Variants in ALX4 observed in about 807,000 individuals in gnomAD.
ALX4 encodes the protein homeobox protein aristaless-like 4.
In ALX4, 22 loss-of-function variants were observed where a neutral mutation model predicts 40.6. That is an observed-to-expected ratio of 0.54 (90% CI 0.39 to 0.77). The LOEUF (loss-of-function observed/expected upper bound fraction) is 0.77, where lower values mean the gene tolerates loss of function less well. Among genes scored for constraint, ALX4 ranks in the 30% least tolerant of loss-of-function variants. ALX4 has a pLI of 0.00. For missense variants in ALX4, 556 were observed against 564.8 expected (o/e 0.98, Z 0.16); for synonymous variants, 266 against 240.5 (o/e 1.11, Z -0.98).
chr11:44,276,224 A>T (rs566770521), intron 1 of ALX4, among the ~76,000 whole-genome samples: 50 of 152,308 alleles, frequency 3.3e-4, no homozygotes, highest in Admixed American at 5.9e-4. Context: ...AGTGCTGAGG[A>T]GTCAACACCT....
In ALX4 at chr11:44,263,246, A is replaced by C. The variant is rs1956192761; in HGVS notation, c.*1608T>G. 1 of 152,290 alleles carries C rather than the reference A, an allele frequency of 6.6e-6. No individual in the cohort carries two copies. 9.4% of individuals were successfully genotyped at this position (152,290 alleles called of 1,614,324 possible). ...ACAGGAATCAAGGGAGAAGGTAGAA[A>C]AGGCGAGCGCTTCAATGCGGGGCGC... On this transcript the variant is annotated 3_prime_UTR_variant, in exon 4 of 4. Transcript: ENST00000652299.
Position 44,295,928 on chromosome 11 carries a change from G to A in ALX4, c.466+13669C>T, listed in dbSNP as rs568031879. ...CCAAGACTGTGGCTCTAGAGTCCTC[G>A]CCTTTGGCTCTGCCCTCCACCCCTT... On this transcript the variant is annotated intron_variant, in intron 1 of 3. Coordinates refer to ENST00000652299, the MANE Select transcript of ALX4 (RefSeq NM_021926.4). 2.6e-5 allele frequency among the ~76,000 whole-genome samples: 4 copies of A among 152,326 alleles called. No individual in the cohort carries two copies. The South Asian group carries it at 6.2e-4, about 24-fold the overall frequency.
Position 44,309,837 on chromosome 11 carries a change from G to A in ALX4, c.226C>T (p.Pro76Ser). 6.4e-7 allele frequency: 1 copy of A among 1,555,638 alleles called. No individual in the cohort carries two copies. The highest frequency in any genetic ancestry group is 8.7e-7 in the Non-Finnish European group (1 of 1,149,266). Residue 76 changes from proline (P) to serine (S), a missense_variant, in exon 1 of 4, where the codon CCC becomes TCC. Coordinates refer to ENST00000652299, the MANE Select transcript of ALX4 (RefSeq NM_021926.4). The stretch of plus-strand genomic sequence containing the variant: ...CGCGCCCCAGCTCCACTCTCCAGGG[G>A]TGTCGCCAGGTCCTGCTGCCCAGCG... ...YGAGQQDLAT[P>S]LESGAGARGS...
intron 1 of ALX4, among the ~76,000 whole-genome samples, chr11:44,283,079 T>G (rs1216265672): frequency 1.3e-5 from 2 of 152,016 alleles, no homozygotes; most frequent in African/African-American, 4.8e-5. Flanking sequence ...AAACCCCATC[T>G]CTACTAAAAA....
At chr11:44,299,639 C>T (rs1034604227) in intron 1 of ALX4, among the ~76,000 whole-genome samples, 2 of 152,146 alleles carry the variant, frequency 1.3e-5, no homozygotes, top group African/African-American at 4.8e-5. Context: ...GGATTACGGG[C>T]ATGAGCCACT....
At position 44,267,606 on chromosome 11, in the gene ALX4, C is replaced by A. The variant is rs765208460; in HGVS notation, c.794G>T (p.Arg265Leu). 6.2e-7 allele frequency: 1 copy of A among 1,614,156 alleles called. No individual in the cohort carries two copies. Among genetic ancestry groups the A allele is most frequent in the Admixed American group, 1.7e-5 (1 of 60,030 alleles). ...CTCCCGCTTCCTCCACTTGGCCCTT[C>A]GGTTCTGGAACCAGACCTACAAGAC... ...EARVQVWFQN[R>L]RAKWRKRERF... Residue 265 changes from arginine (R) to leucine (L), a missense_variant, in exon 3 of 4, where the codon CGA becomes CTA. Arg to Leu is a moderately radical substitution (Grantham distance 102). Transcript: ENST00000652299.
In ALX4 at chr11:44,293,610, C is replaced by T. The variant is rs528469781; in HGVS notation, c.466+15987G>A. ...ACAAAACTGGGCTCTGTGGAATCTT[C>T]TCTCATGGGGCTAAATCCTGGGGGA... On this transcript the variant is annotated intron_variant, in intron 1 of 3. Transcript: ENST00000652299. Among the ~76,000 whole-genome samples, 5 of 152,324 alleles carry T rather than the reference C, an allele frequency of 3.3e-5. No homozygotes were observed. The East Asian group carries it at 9.7e-4, about 29-fold the overall frequency.
chr11:44,270,081 C>T lies in ALX4; in HGVS notation c.778-2459G>A, dbSNP rs538230707. ...CTGGAACAGAGGATCCAGGGATGGG[C>T]GGGGAGGGACCCCGAAGAGGGAAGG... is the stretch of plus-strand genomic sequence containing the variant. On this transcript the variant is annotated intron_variant, in intron 2 of 3. Transcript: ENST00000652299. Among the ~76,000 whole-genome samples, 4 of 151,504 alleles carry T rather than the reference C, an allele frequency of 2.6e-5. No individual in the cohort carries two copies. In the South Asian group the frequency reaches 6.4e-4, roughly 24 times the overall value.
intron 1 of ALX4, among the ~76,000 whole-genome samples, chr11:44,303,822 G>T (rs1319965453): frequency 6.6e-6 from 1 of 152,214 alleles, no homozygotes; most frequent in Non-Finnish European, 1.5e-5. Flanking sequence ...CCTTTCTGAG[G>T]GACCTGCTTC....
chr11:44,281,526 G>A (rs1035338382), intron 1 of ALX4, among the ~76,000 whole-genome samples: 1 of 151,884 alleles, frequency 6.6e-6, no homozygotes, highest in Non-Finnish European at 1.5e-5. Context: ...GGGACATGCC[G>A]CTTGCTCTGT....
chr11:44,267,755 T>C, intron 2 of ALX4, 133 bp from the exon 3 acceptor site: 1 of 1,221,970 alleles, frequency 8.2e-7, no homozygotes, highest in Non-Finnish European at 1.2e-6. Flanking sequence ...CGGCCACACA[T>C]AAATATCAAC....
intron 1 of ALX4, among the ~76,000 whole-genome samples, chr11:44,284,994 C>T (rs899986460): frequency 1.3e-5 from 2 of 151,740 alleles, no homozygotes; most frequent in Non-Finnish European, 2.9e-5. Context: ...GATGGAGTCT[C>T]GCTGTTGTCG....
At chr11:44,281,381 G>T (rs1223664761) in intron 1 of ALX4, among the ~76,000 whole-genome samples, 1 of 152,114 alleles carries the variant, frequency 6.6e-6, no homozygotes, top group African/African-American at 2.4e-5. Flanking sequence ...CCGCGTGGGT[G>T]GGTGTGGACA....
intron 1 of ALX4, among the ~76,000 whole-genome samples, chr11:44,278,565 C>T (rs1956291246): frequency 6.6e-6 from 1 of 152,190 alleles, no homozygotes; most frequent in African/African-American, 2.4e-5. Context: ...GTCCAGTCTT[C>T]ATGGTGACAA....
At chr11:44,285,332 C>T (rs4755240) in intron 1 of ALX4, among the ~76,000 whole-genome samples, 107,510 of 152,222 alleles carry the variant, frequency 0.71, 38,407 homozygotes, top group South Asian at 0.8. Context: ...ATTCTTCTAC[C>T]ACACCATCCT....
intron 3 of ALX4, among the ~76,000 whole-genome samples, chr11:44,267,124 T>C (rs1366628618): frequency 6.6e-6 from 1 of 151,898 alleles, no homozygotes; most frequent in Non-Finnish European, 1.5e-5. Context: ...TGGCCACGAG[T>C]CCTGGAGATT....
chr11:44,303,763 T>C (rs955461067), intron 1 of ALX4, among the ~76,000 whole-genome samples: 1 of 152,220 alleles, frequency 6.6e-6, no homozygotes, highest in Admixed American at 6.5e-5. Context: ...GCCGCTGCCC[T>C]TTCCTGGACA....
At chr11:44,280,745 A>G (rs550633835) in intron 1 of ALX4, among the ~76,000 whole-genome samples, 1 of 152,354 alleles carries the variant, frequency 6.6e-6, no homozygotes, top group East Asian at 1.9e-4. Context: ...TGTGGCCATC[A>G]TGGTATCCAG....
chr11:44,307,012 T>C (rs900181825), intron 1 of ALX4, among the ~76,000 whole-genome samples: 2 of 152,318 alleles, frequency 1.3e-5, no homozygotes, highest in East Asian at 3.9e-4. Flanking sequence ...TTAGGCAGCA[T>C]GGAGTGGCGT....
Sources: allele counts gnomAD v4.1 joint callset (sites outside exome capture counted in the v4.1 genomes callset), GRCh38; gene constraint gnomAD v4.1.1; transcripts MANE v1.5; gene names NCBI Gene and HGNC (gene_info 2026-07-23, HGNC 2026-07-21).